Variants in FAM120A observed in about 807,000 individuals in gnomAD.
FAM120A encodes constitutive coactivator of PPAR-gamma-like protein 1.
FAM120A carries 15 observed loss-of-function variants against 109.7 expected under a neutral mutation model. The ratio of observed to expected loss-of-function variants is 0.14; its 90% CI spans 0.09 to 0.21. The LOEUF (loss-of-function observed/expected upper bound fraction) is 0.21. Ranked by LOEUF, FAM120A falls within the 10% of genes least tolerant of loss-of-function variation. The probability of loss-of-function intolerance (pLI) is 1.00; values close to 1 mark genes in which losing one functional copy is unlikely to be tolerated. For synonymous variants in FAM120A, 493 were observed against 572.8 expected (o/e 0.86, Z 1.99); for missense variants, 899 against 1,439.3 (o/e 0.62, Z 6.07).
In FAM120A at chr9:93,562,303, A is replaced by G; in HGVS notation, c.3044A>G (p.Gln1015Arg). 1.9e-6 allele frequency: 3 copies of G among 1,612,490 alleles called. No individual in the cohort carries two copies. Among genetic ancestry groups the G allele is most frequent in the Non-Finnish European group, 2.5e-6 (3 of 1,178,540 alleles). The part of the protein sequence containing the change: ...GRGYKNQAAI[Q>R]GRPPYAASAE... The stretch of plus-strand genomic sequence containing the variant: ...GGTTACAAAAACCAGGCAGCAATTC[A>G]GGTAAGAAGACAACATGATGTTTGT... Residue 1015 changes from glutamine to arginine, a missense_variant and splice_region_variant, in exon 17 of 18, where the codon CAG becomes CGG. By Grantham distance (43) the Gln-to-Arg change is conservative. This residue lies in a region of FAM120A where 170 missense variants were observed against 205.0 expected (regional missense o/e 0.83). Transcript: ENST00000277165.
At chr9:93,539,873 C>T (rs974083804) in intron 10 of FAM120A, among the ~76,000 whole-genome samples, 4 of 152,210 alleles carry the variant, frequency 2.6e-5, no homozygotes, top group African/African-American at 9.6e-5. Flanking sequence ...TAAATCAGAG[C>T]CAAGCATTTT....
chr9:93,486,903 C>T (rs1343555216), intron 3 of FAM120A, among the ~76,000 whole-genome samples: 1 of 152,168 alleles, frequency 6.6e-6, no homozygotes, highest in Non-Finnish European at 1.5e-5. Flanking sequence ...TTCCCCCCAG[C>T]AACGTGTAAA....
At chr9:93,527,547 G>A (rs1206327392) in intron 8 of FAM120A, among the ~76,000 whole-genome samples, 2 of 151,508 alleles carry the variant, frequency 1.3e-5, no homozygotes, top group South Asian at 4.2e-4. Flanking sequence ...AAAGGCACCG[G>A]GGATGCTAAA....
chr9:93,458,118 T>C (rs1857634334), intron 1 of FAM120A, among the ~76,000 whole-genome samples: 1 of 152,020 alleles, frequency 6.6e-6, no homozygotes, highest in African/African-American at 2.4e-5. Flanking sequence ...TTATTTATAC[T>C]GTGTCCCATC....
chr9:93,497,306 C>T (rs530289339), intron 3 of FAM120A, among the ~76,000 whole-genome samples, 165 bp from the exon 4 acceptor site: 4 of 152,182 alleles, frequency 2.6e-5, no homozygotes, highest in African/African-American at 4.8e-5. Flanking sequence ...AGAACGTGAA[C>T]GGCTTAGGAA....
Position 93,489,541 on chromosome 9 carries a change from G to A in FAM120A, c.805-7930G>A, listed in dbSNP as rs1050258521. Among the ~76,000 whole-genome samples, 8 of 152,236 alleles carry A rather than the reference G, an allele frequency of 5.3e-5. No individual in the cohort carries two copies. The South Asian group carries it at 1.2e-3, about 24-fold the overall frequency. On this transcript the variant is annotated intron_variant, in intron 3 of 17. Coordinates refer to ENST00000277165, the MANE Select transcript of FAM120A (RefSeq NM_014612.5). Reference sequence around the variant, plus strand: ...CCTTTTCGTCCTAGGCTCTAGGCCTGTAAAATGGGATGAAGAACTTTTCTT... The same window carrying A: ...CCTTTTCGTCCTAGGCTCTAGGCCTATAAAATGGGATGAAGAACTTTTCTT...
chr9:93,482,663 A>G (rs925056252), intron 3 of FAM120A, among the ~76,000 whole-genome samples: 1 of 152,118 alleles, frequency 6.6e-6, no homozygotes, highest in African/African-American at 2.4e-5. Flanking sequence ...AGGAGCAACG[A>G]TGGTAGGGCC....
At chr9:93,488,052 T>C (rs1859141402) in intron 3 of FAM120A, among the ~76,000 whole-genome samples, 1 of 152,190 alleles carries the variant, frequency 6.6e-6, no homozygotes, top group South Asian at 2.1e-4. Flanking sequence ...TACACATTTA[T>C]TTTCCCATTT....
At position 93,532,007 on chromosome 9, in the gene FAM120A, C is replaced by A; in HGVS notation, c.1735-148C>A. On this transcript the variant is annotated intron_variant, in intron 9 of 17. Transcript: ENST00000277165. The surrounding 1 kb of genome is among the most constrained non-coding windows in gnomAD (Gnocchi z 4.3). ...GCCTGCCAAATGAACTCTTCCTAAA[C>A]ATCTTTATTTAGGCAAGTTGTTAAG... is the stretch of plus-strand genomic sequence containing the variant. 1 of 751,176 alleles carries A rather than the reference C, an allele frequency of 1.3e-6. No individual in the cohort carries two copies. The highest frequency in any genetic ancestry group is 2.2e-6 in the Non-Finnish European group (1 of 456,516). 46.5% of individuals were successfully genotyped at this position (751,176 alleles called of 1,614,324 possible).
At chr9:93,527,582 T>C (rs894735537) in intron 8 of FAM120A, among the ~76,000 whole-genome samples, 8 of 151,348 alleles carry the variant, frequency 5.3e-5, no homozygotes, top group African/African-American at 1.7e-4. Context: ...CCCCCTTTTT[T>C]CTTTATCTTT....
At chr9:93,473,057 G>T (rs1858382296) in intron 2 of FAM120A, among the ~76,000 whole-genome samples, 2 of 150,632 alleles carry the variant, frequency 1.3e-5, no homozygotes, top group African/African-American at 4.9e-5. Context: ...TTGCTTTGTT[G>T]CCCAGGCTGG....
intron 5 of FAM120A, among the ~76,000 whole-genome samples, chr9:93,507,325 G>A (rs1438003528): frequency 6.6e-6 from 1 of 152,200 alleles, no homozygotes; most frequent in Admixed American, 6.5e-5. Flanking sequence ...GGGGGAAATG[G>A]CTCCCAGAGT....
intron 3 of FAM120A, among the ~76,000 whole-genome samples, chr9:93,491,291 T>C (rs1299118366): frequency 6.6e-6 from 1 of 152,148 alleles, no homozygotes; most frequent in East Asian, 1.9e-4. Context: ...CAAGAAATTG[T>C]AATGGGTGAC....
intron 3 of FAM120A, among the ~76,000 whole-genome samples, chr9:93,486,529 T>G (rs1859063364): frequency 6.6e-6 from 1 of 150,966 alleles, no homozygotes; most frequent in Non-Finnish European, 1.5e-5. Flanking sequence ...TTTTCTTTTC[T>G]TTTTTCTTTT....
intron 1 of FAM120A, among the ~76,000 whole-genome samples, chr9:93,468,155 A>C (rs930852998): frequency 5.3e-5 from 8 of 152,272 alleles, no homozygotes; most frequent in Middle Eastern, 3.4e-3. Context: ...AAGTGCTGGG[A>C]TTACAGGTGT....
chr9:93,496,952 G>A (rs1308787896), intron 3 of FAM120A, among the ~76,000 whole-genome samples: 1 of 152,224 alleles, frequency 6.6e-6, no homozygotes, highest in Non-Finnish European at 1.5e-5. Context: ...AGTTAGAGCT[G>A]AAGTTGGCCT....
chr9:93,563,896 G>A (rs552492749), intron 17 of FAM120A, among the ~76,000 whole-genome samples: 3 of 152,198 alleles, frequency 2.0e-5, no homozygotes, highest in Non-Finnish European at 4.4e-5. Flanking sequence ...GGGAACAGTC[G>A]CAATTTTAGA....
chr9:93,550,202 G>T (rs1862045180), intron 11 of FAM120A, among the ~76,000 whole-genome samples: 1 of 152,124 alleles, frequency 6.6e-6, no homozygotes, highest in Non-Finnish European at 1.5e-5. Flanking sequence ...TATACCTAGG[G>T]TCTGCCTCCT....
intron 1 of FAM120A, among the ~76,000 whole-genome samples, chr9:93,465,677 C>T (rs1857982175): frequency 6.6e-6 from 1 of 152,154 alleles, no homozygotes; most frequent in Non-Finnish European, 1.5e-5. Context: ...AGGGAATGTT[C>T]ACTTCCTGCT....
Sources: allele counts gnomAD v4.1 joint callset (sites outside exome capture counted in the v4.1 genomes callset), GRCh38; gene constraint gnomAD v4.1.1; regional missense constraint gnomAD v4.1.1; non-coding constraint Gnocchi (gnomAD v3.1); transcripts MANE v1.5; gene names NCBI Gene and HGNC (gene_info 2026-07-23, HGNC 2026-07-21).